The following TFEB variants were observed in gnomAD, a reference collection of about 807,000 sequenced individuals.
The protein encoded by TFEB is transcription factor EB, also known as T-cell transcription factor EB.
In TFEB, 12 loss-of-function variants were observed where a neutral mutation model predicts 48.0. The observed-to-expected ratio is 0.25, with a 90% CI of 0.16 to 0.40. TFEB has a LOEUF of 0.40. Among genes scored for constraint, TFEB ranks in the 10% least tolerant of loss-of-function variants. The pLI is 1.00. For synonymous variants in TFEB, 244 were observed against 261.4 expected, an observed-to-expected ratio of 0.93 and a Z score of 0.64; for missense variants, 509 against 640.3, an observed-to-expected ratio of 0.79 and a Z score of 2.21.
At chr6:41,727,087 A>G (rs1222499541) in intron 1 of TFEB, among the ~76,000 whole-genome samples, 1 of 152,104 alleles carries the variant, frequency 6.6e-6, no homozygotes, top group Non-Finnish European at 1.5e-5. Flanking sequence ...CCCAGCCACC[A>G]CACACCCCTT....
chr6:41,734,777 G>C lies in TFEB; in HGVS notation c.-23+573C>G. The C allele has an allele frequency of 1.6e-6, 1 of 628,388 alleles. No individual in the cohort carries two copies. Among genetic ancestry groups the C allele is most frequent in the Non-Finnish European group, 2.0e-6 (1 of 503,088 alleles). 38.9% of individuals were successfully genotyped at this position (628,388 alleles called of 1,614,324 possible). On this transcript the variant is annotated intron_variant, in intron 1 of 8. Coordinates refer to ENST00000373033, the MANE Select transcript of TFEB (RefSeq NM_001271944.2). The surrounding 1 kb of genome is among the most constrained non-coding windows in gnomAD (Gnocchi z 4.0). ...CGAGCTGGAGGAAGGGACGGGAAGG[G>C]AGGGAGAGATGGTACTTCCACCCGC...
Position 41,691,341 on chromosome 6 carries a change from G to A in TFEB, c.-22-106C>T, listed in dbSNP as rs765476645. On this transcript the variant is annotated intron_variant, in intron 1 of 8. Coordinates refer to ENST00000373033, the MANE Select transcript of TFEB (RefSeq NM_001271944.2). This position sits in a 1 kb window ranked among gnomAD's most constrained non-coding sequence, Gnocchi z 5.2. ...GACTGGGACCGCATCCATTTTAGAGGAGAAGACACCGAGCCCTGAGAGGGG... is the reference window on the plus strand; with the variant it reads ...GACTGGGACCGCATCCATTTTAGAGAAGAAGACACCGAGCCCTGAGAGGGG... The A allele has an allele frequency of 1.4e-5, 16 of 1,153,570 alleles. No individual in the cohort carries two copies. Among genetic ancestry groups the A allele is most frequent in the Non-Finnish European group, 1.9e-5 (15 of 784,824 alleles). 71.5% of individuals were successfully genotyped at this position (1,153,570 alleles called of 1,614,324 possible).
intron 1 of TFEB, among the ~76,000 whole-genome samples, chr6:41,710,977 T>C (rs567098167): frequency 5.3e-5 from 8 of 152,362 alleles, no homozygotes; most frequent in African/African-American, 1.7e-4. Context: ...AGACAGCCCT[T>C]GCCCTATGGT....
chr6:41,713,330 G>C (rs1770568880), intron 1 of TFEB, among the ~76,000 whole-genome samples: 1 of 152,154 alleles, frequency 6.6e-6, no homozygotes, highest in South Asian at 2.1e-4. Flanking sequence ...GTCCTCTCCT[G>C]TCCCTGGCAG....
intron 1 of TFEB, among the ~76,000 whole-genome samples, chr6:41,717,383 G>C (rs980344617): frequency 1.3e-5 from 2 of 152,164 alleles, no homozygotes; most frequent in Admixed American, 1.3e-4. Flanking sequence ...AGAACTGTCA[G>C]ACTCATGGAT....
rs1043275687 is a variant in TFEB at position 41,734,341 on chromosome 6, C to A, written c.-23+1009G>T. The stretch of plus-strand genomic sequence containing the variant: ...GGGCGCGGGGCTGGGGCGCGCCAGG[C>A]GGCTGCGGCGCGAACCTGCTCGCGC... On this transcript the variant is annotated intron_variant, in intron 1 of 8. Coordinates refer to ENST00000373033, the MANE Select transcript of TFEB (RefSeq NM_001271944.2). The surrounding 1 kb of genome is among the most constrained non-coding windows in gnomAD (Gnocchi z 4.0). The A allele has an allele frequency of 1.0e-4, 103 of 984,578 alleles. No homozygotes were observed. The highest frequency in any genetic ancestry group is 1.2e-4 in the Non-Finnish European group (101 of 829,572). The allele number at this position is 984,578 out of a possible 1,614,324, so 61.0% of individuals were successfully genotyped here.
intron 1 of TFEB, among the ~76,000 whole-genome samples, chr6:41,709,483 G>A (rs750630175): frequency 5.3e-5 from 8 of 152,180 alleles, no homozygotes; most frequent in Non-Finnish European, 1.2e-4. Context: ...ATGGATGCAT[G>A]CATAAATGGA....
Position 41,691,953 on chromosome 6 carries a change from C to T in TFEB, c.-22-718G>A, listed in dbSNP as rs965575101. 6.6e-6 allele frequency among the ~76,000 whole-genome samples: 1 copy of T among 152,136 alleles called. No homozygotes were observed. The highest frequency in any genetic ancestry group is 1.5e-5 in the Non-Finnish European group (1 of 68,016). ...CCCAGGCATGCCCCCACCTCAGGAC[C>T]TTTGCACTTGCTGTTCCCTCTGCCT... is the stretch of plus-strand genomic sequence containing the variant. On this transcript the variant is annotated intron_variant, in intron 1 of 8. Transcript: ENST00000373033. The surrounding 1 kb of genome is among the most constrained non-coding windows in gnomAD (Gnocchi z 5.2).
chr6:41,685,873 G>A (rs1243370469), intron 8 of TFEB, among the ~76,000 whole-genome samples: 1 of 152,248 alleles, frequency 6.6e-6, no homozygotes, highest in African/African-American at 2.4e-5. Context: ...GTGCCAGAAT[G>A]AGGGTCTCAC....
At chr6:41,727,855 G>A (rs1175050324) in intron 1 of TFEB, among the ~76,000 whole-genome samples, 1 of 152,210 alleles carries the variant, frequency 6.6e-6, no homozygotes, top group Admixed American at 6.5e-5. Context: ...GCTTCCAAGT[G>A]GCAGGTGGGT....
At position 41,732,977 on chromosome 6, in the gene TFEB, T is replaced by A. The variant is rs1771516635; in HGVS notation, c.-23+2373A>T. On this transcript the variant is annotated intron_variant, in intron 1 of 8. Transcript: ENST00000373033. Reference sequence around the variant, plus strand: ...CCCCTGTTGCCTGCAGAAACCGAGTTGACTTTGAAAAGGAAGAGACAGAAC... The same window carrying A: ...CCCCTGTTGCCTGCAGAAACCGAGTAGACTTTGAAAAGGAAGAGACAGAAC... 3.0e-6 allele frequency: 3 copies of A among 985,334 alleles called. No individual in the cohort carries two copies. In the African/African-American group the frequency reaches 5.2e-5, roughly 17 times the overall value. The allele number at this position is 985,334 out of a possible 1,614,324, so 61.0% of individuals were successfully genotyped here.
At chr6:41,702,069 G>A (rs1446801791) in intron 1 of TFEB, among the ~76,000 whole-genome samples, 1 of 152,094 alleles carries the variant, frequency 6.6e-6, no homozygotes, top group Non-Finnish European at 1.5e-5. Flanking sequence ...GCCCAGGAGA[G>A]GTAACCTGGG....
At position 41,718,054 on chromosome 6, in the gene TFEB, T is replaced by C. The variant is rs7743798; in HGVS notation, c.-23+17296A>G. ...ATTTGGGGTTTTGTGTAGTTGTATA[T>C]ATTTATGGAGTACAAGGTGATGCTA... On this transcript the variant is annotated intron_variant, in intron 1 of 8. Transcript: ENST00000373033. Among the ~76,000 whole-genome samples, 581 of 152,300 alleles carry C rather than the reference T, an allele frequency of 3.8e-3. 3 individuals carry two copies. Among genetic ancestry groups the C allele is most frequent in the African/African-American group, 0.013 (555 of 41,568 alleles).
intron 1 of TFEB, among the ~76,000 whole-genome samples, chr6:41,728,684 G>C (rs192310876): frequency 1.2e-3 from 185 of 152,208 alleles, no homozygotes; most frequent in Non-Finnish European, 1.7e-3. Flanking sequence ...ACTCGGGGAG[G>C]GGGGGTTGGG....
At chr6:41,714,803 T>G (rs1403832654) in intron 1 of TFEB, among the ~76,000 whole-genome samples, 4 of 152,042 alleles carry the variant, frequency 2.6e-5, no homozygotes, top group African/African-American at 9.7e-5. Context: ...CCCAAGGGAC[T>G]CCAGCCCTCA....
chr6:41,732,143 C>A (rs1219361879), intron 1 of TFEB, among the ~76,000 whole-genome samples: 1 of 152,194 alleles, frequency 6.6e-6, no homozygotes, highest in Non-Finnish European at 1.5e-5. Flanking sequence ...ACCTAGGCCT[C>A]CCAAAGATCT....
intron 8 of TFEB, among the ~76,000 whole-genome samples, chr6:41,685,605 A>T (rs765000622): frequency 6.6e-6 from 1 of 152,126 alleles, no homozygotes; most frequent in Non-Finnish European, 1.5e-5. Flanking sequence ...GGTAGGGCTG[A>T]CTCTGCCAAG....
Position 41,723,695 on chromosome 6 carries a change from C to T in TFEB, c.-23+11655G>A, listed in dbSNP as rs1485405098. The T allele has an allele frequency of 3.9e-5, 17 of 441,274 alleles. No individual in the cohort carries two copies. Among genetic ancestry groups the T allele is most frequent in the African/African-American group, 1.2e-4 (6 of 48,328 alleles). 27.3% of individuals were successfully genotyped at this position (441,274 alleles called of 1,614,324 possible). On this transcript the variant is annotated intron_variant, in intron 1 of 8. Coordinates refer to ENST00000373033, the MANE Select transcript of TFEB (RefSeq NM_001271944.2). The surrounding 1 kb of genome is among the most constrained non-coding windows in gnomAD (Gnocchi z 6.0). ...CAGCACAGAGGGAACTGCGCCCCGACGGCACAGTCCCACACCGCAGCCTAC... is the reference window on the plus strand; with the variant it reads ...CAGCACAGAGGGAACTGCGCCCCGATGGCACAGTCCCACACCGCAGCCTAC...
At chr6:41,692,235 G>A (rs1232084609) in intron 1 of TFEB, among the ~76,000 whole-genome samples, 2 of 152,170 alleles carry the variant, frequency 1.3e-5, no homozygotes, top group Non-Finnish European at 2.9e-5. Context: ...TTCCCTGAGG[G>A]CAGGCATTTT....
Sources: allele counts gnomAD v4.1 joint callset (sites outside exome capture counted in the v4.1 genomes callset), GRCh38; gene constraint gnomAD v4.1.1; non-coding constraint Gnocchi (gnomAD v3.1); transcripts MANE v1.5; gene names NCBI Gene and HGNC (gene_info 2026-07-23, HGNC 2026-07-21).